The following COL1A2 variants were observed in gnomAD, a reference collection of about 807,000 sequenced individuals.
The protein encoded by COL1A2 is collagen type I alpha 2 chain, also known as collagen alpha-2(I) chain.
COL1A2 carries 49 observed loss-of-function variants against 174.3 expected under a neutral mutation model. That is an observed-to-expected ratio of 0.28 (90% CI 0.22 to 0.36). The LOEUF is 0.36. Among genes scored for constraint, COL1A2 ranks in the 10% least tolerant of loss-of-function variants. The pLI is 1.00. For synonymous variants in COL1A2, 655 were observed against 606.6 expected (o/e 1.08, Z -1.17); for missense variants, 1,438 against 1,822.7 (o/e 0.79, Z 3.84).
chr7:94,395,640 G>C (rs73426381), intron 1 of COL1A2: 88 of 219,110 alleles, frequency 4.0e-4, no homozygotes, highest in African/African-American at 2.0e-3. Context: ...TCTGGAGGAA[G>C]GAAAATGAAA....
chr7:94,416,492 G>C lies in COL1A2; in HGVS notation c.1852G>C (p.Asp618His). The C allele has an allele frequency of 6.4e-7, 1 of 1,569,428 alleles. No homozygotes were observed. Among genetic ancestry groups the C allele is most frequent in the Non-Finnish European group, 8.6e-7 (1 of 1,156,172 alleles). Residue 618 changes from aspartate to histidine, a missense_variant, in exon 31 of 52, where the codon GAT becomes CAT. Asp to His is a moderately conservative substitution (Grantham distance 81, BLOSUM62 -1). Transcript: ENST00000297268. ...AGGTCCTTCTGGACCCCCAGGGCCT[G>C]ATGGAAACAAGGTAAAATCTTATGT... ...SRGPSGPPGP[D>H]GNKGEPGVVG...
Position 94,420,217 on chromosome 7 carries a change from T to C in COL1A2, c.2080-16T>C. The C allele has an allele frequency of 6.2e-7, 1 of 1,613,020 alleles. No homozygotes were observed. The highest frequency in any genetic ancestry group is 2.2e-5 in the East Asian group (1 of 44,886). On this transcript the variant is annotated splice_polypyrimidine_tract_variant and intron_variant, in intron 34 of 51. Transcript: ENST00000297268. ...TGTCAGGCACATTAACAGATTCATC[T>C]TTGGTCCCATTATAGGGCGAAGCTG...
intron 24 of COL1A2, 123 bp downstream of exon 24, chr7:94,412,244 G>T: frequency 2.3e-6 from 2 of 855,720 alleles, no homozygotes; most frequent in Non-Finnish European, 3.9e-6. Context: ...TACATCATCT[G>T]GGAATGCAGA....
At position 94,417,748 on chromosome 7, in the gene COL1A2, G is replaced by T; in HGVS notation, c.1888G>T (p.Val630Leu). 1 of 1,599,498 alleles carries T rather than the reference G, an allele frequency of 6.3e-7. No individual in the cohort carries two copies. Among genetic ancestry groups the T allele is most frequent in the Non-Finnish European group, 8.5e-7 (1 of 1,172,838 alleles). ...NKGEPGVVGA[V>L]GTAGPSGPSG... ...GGGTGAACCTGGTGTGGTTGGTGCT[G>T]TGGGCACTGCTGGTCCATCTGGTCC... Residue 630 changes from valine (V) to leucine (L), a missense_variant, in exon 32 of 52, where the codon GTG becomes TTG. By Grantham distance (32) the Val-to-Leu change is conservative. Around this residue, in one of 3 missense-constraint regions of COL1A2, gnomAD observed 867 missense variants for 1,213.7 expected, o/e 0.71. Transcript: ENST00000297268.
rs202013558 is a variant in COL1A2, at chr7:94,430,450, TTTC to T, written c.*69_*71del. The T allele has an allele frequency of 1.6e-4, 251 of 1,562,116 alleles. No homozygotes were observed. In the East Asian group the frequency reaches 3.4e-3, roughly 21 times the overall value. On this transcript the variant is annotated 3_prime_UTR_variant, in exon 52 of 52. Coordinates refer to ENST00000297268, the MANE Select transcript of COL1A2 (RefSeq NM_000089.4). ...ATTTGAAAAAACTTTCTCTTTGCCA[TTTC>T]TTCTTCTTCTTTTTTAACTGAAAGC...
At chr7:94,413,325 A>G (rs983338582) in intron 26 of COL1A2, among the ~76,000 whole-genome samples, 189 bp downstream of exon 26, 1 of 152,244 alleles carries the variant, frequency 6.6e-6, no homozygotes, top group Non-Finnish European at 1.5e-5. Flanking sequence ...ACAAATCAGA[A>G]TATACATTAG....
rs775599249 is a variant in COL1A2 at position 94,408,360 on chromosome 7, G to A, written c.718G>A (p.Val240Met). ...GGGTGCCCGTGGCAGTGATGGAAGT[G>A]TGGGTCCCGTGGGTCCTGCTGTAAG... Reference protein sequence around the residue: ...PAGARGSDGSVGPVGPAGPIG... With the variant: ...PAGARGSDGSMGPVGPAGPIG... The change falls in exon 15 of 52, where the codon GTG becomes ATG. Residue 240 changes from valine to methionine, a missense_variant. Coordinates refer to ENST00000297268, the MANE Select transcript of COL1A2 (RefSeq NM_000089.4). 3.1e-6 allele frequency: 5 copies of A among 1,614,154 alleles called. No homozygotes were observed. Among genetic ancestry groups the A allele is most frequent in the East Asian group, 2.2e-5 (1 of 44,880 alleles).
chr7:94,420,484 A>T (rs753771687), intron 36 of COL1A2, 40 bp downstream of exon 36: 4 of 1,614,010 alleles, frequency 2.5e-6, no homozygotes, highest in Non-Finnish European at 3.4e-6. Context: ...AAAACATCCT[A>T]AGTTGGGGAG....
chr7:94,427,990 CATT>C, intron 49 of COL1A2, 105 bp downstream of exon 49: 1 of 1,260,656 alleles, frequency 7.9e-7, no homozygotes, highest in South Asian at 1.3e-5. Flanking sequence ...GTAAAGATTA[CATT>C]ATGTGAAATC....
At position 94,425,632 on chromosome 7, in the gene COL1A2, C is replaced by T. The variant is rs1197178320; in HGVS notation, c.2804C>T (p.Pro935Leu). 1 of 1,614,084 alleles carries T rather than the reference C, an allele frequency of 6.2e-7. No homozygotes were observed. The highest frequency in any genetic ancestry group is 1.1e-5 in the South Asian group (1 of 91,076). ...GRDGNPGNDGPPGRDGQPGHK... is the reference protein window; with the variant it reads ...GRDGNPGNDGLPGRDGQPGHK... ...CAGGGCAACCCTGGGAACGATGGTC[C>T]CCCAGGTCGCGATGGTCAACCCGGA... is the stretch of plus-strand genomic sequence containing the variant. Residue 935 changes from proline to leucine, a missense_variant, in exon 43 of 52, where the codon CCC becomes CTC. Physicochemically the swap from Pro to Leu is moderately conservative, Grantham distance 98. Coordinates refer to ENST00000297268, the MANE Select transcript of COL1A2 (RefSeq NM_000089.4).
At chr7:94,397,462 C>G (rs1791606140) in intron 1 of COL1A2, among the ~76,000 whole-genome samples, 1 of 152,056 alleles carries the variant, frequency 6.6e-6, no homozygotes, top group East Asian at 1.9e-4. Context: ...AAATATCCTT[C>G]AGACACATTA....
chr7:94,426,557 A>G, intron 46 of COL1A2, 27 bp downstream of exon 46: 1 of 1,546,072 alleles, frequency 6.5e-7, no homozygotes, highest in Non-Finnish European at 8.8e-7. Flanking sequence ...CATCTCGCAC[A>G]TAAACTGATC....
rs1584330105 is a variant in COL1A2, at chr7:94,426,014, T to C, written c.2960T>C (p.Val987Ala). 2 of 1,614,166 alleles carry C rather than the reference T, an allele frequency of 1.2e-6. No individual in the cohort carries two copies. The highest frequency in any genetic ancestry group is 1.7e-6 in the Non-Finnish European group (2 of 1,180,016). The change falls in exon 45 of 52, where the codon GTT becomes GCT. Residue 987 changes from valine to alanine, a missense_variant. Transcript: ENST00000297268. The part of the protein sequence containing the change: ...NRGETGPSGP[V>A]GPAGAVGPRG... ...ATTTCACAGGGTCCTTCTGGTCCTG[T>C]TGGTCCTGCTGGTGCTGTTGGCCCA...
chr7:94,420,983 G>C, intron 37 of COL1A2, 26 bp from the exon 38 acceptor site: 1 of 1,612,626 alleles, frequency 6.2e-7, no homozygotes, highest in Non-Finnish European at 8.5e-7. Flanking sequence ...TTTGTGATTT[G>C]ACTCCATCTT....
intron 12 of COL1A2, among the ~76,000 whole-genome samples, chr7:94,407,235 C>T (rs17166249): frequency 0.42 from 63,727 of 151,938 alleles, 15,092 homozygotes; most frequent in African/African-American, 0.65. Flanking sequence ...CACATAGAAT[C>T]CTGGAAATTA....
intron 48 of COL1A2, 73 bp downstream of exon 48, chr7:94,427,368 C>A: frequency 7.3e-7 from 1 of 1,367,300 alleles, no homozygotes; most frequent in Non-Finnish European, 1.0e-6. Context: ...TAAACCAAGA[C>A]AACTTTGACA....
At chr7:94,414,328 C>T in intron 29 of COL1A2, 53 bp downstream of exon 29, 4 of 1,453,840 alleles carry the variant, frequency 2.8e-6, no homozygotes, top group Non-Finnish European at 2.9e-6. Context: ...AGAATTTCCC[C>T]CTGTTTAATA....
In COL1A2 at chr7:94,427,037, C is replaced by A. The variant is rs1800248; in HGVS notation, c.3135C>A (p.Gly1045=). The change falls in exon 47 of 52, where the codon GGC becomes GGA. Residue 1045 remains glycine (G), a synonymous_variant. Coordinates refer to ENST00000297268, the MANE Select transcript of COL1A2 (RefSeq NM_000089.4). ...AGHHGDQGAP[G]SVGPAGPRGP... ...ACCATGGTGATCAAGGTGCTCCTGG[C>A]TCCGTGGGTCCTGCTGGTCCTAGGG... 26 of 1,613,750 alleles carry A rather than the reference C, an allele frequency of 1.6e-5. No homozygotes were observed. The Admixed American group carries it at 4.2e-4, about 26-fold the overall frequency.
rs750868020 is a variant in COL1A2 at position 94,404,549 on chromosome 7, T to C, written c.280-7T>C. On this transcript the variant is annotated splice_polypyrimidine_tract_variant and splice_region_variant and intron_variant, in intron 6 of 51. Transcript: ENST00000297268. ...GCTAACTGTTGATATATCTGCTTTC[T>C]TTACAGGGCTTAATGGGACCTAGAG... 6.8e-6 allele frequency: 11 copies of C among 1,612,822 alleles called. No homozygotes were observed. Among genetic ancestry groups the C allele is most frequent in the Non-Finnish European group, 9.3e-6 (11 of 1,179,952 alleles).
Sources: allele counts gnomAD v4.1 joint callset (sites outside exome capture counted in the v4.1 genomes callset), GRCh38; gene constraint gnomAD v4.1.1; regional missense constraint gnomAD v4.1.1; transcripts MANE v1.5; gene names NCBI Gene and HGNC (gene_info 2026-07-23, HGNC 2026-07-21).